The following KLHL6 variants were observed in gnomAD, a reference collection of about 807,000 sequenced individuals.
The protein encoded by KLHL6 is kelch like family member 6.
KLHL6 carries 41 observed loss-of-function variants against 58.6 expected under a neutral mutation model. That is an observed-to-expected ratio of 0.70 (90% confidence interval 0.55 to 0.91). KLHL6 has a LOEUF of 0.91. Ranked by LOEUF, KLHL6 falls within the 40% of genes least tolerant of loss-of-function variation. KLHL6 has a pLI of 0.00. For missense variants in KLHL6, 714 were observed against 805.6 expected (o/e 0.89, Z 1.38); for synonymous variants, 338 against 322.7 (o/e 1.05, Z -0.51).
intron 4 of KLHL6, among the ~76,000 whole-genome samples, chr3:183,495,579 C>A (rs1272190093): frequency 6.0e-4 from 85 of 142,558 alleles, no homozygotes; most frequent in African/African-American, 6.9e-4. Flanking sequence ...TATTTTAGGA[C>A]AAAAAAAAAA....
intron 1 of KLHL6, among the ~76,000 whole-genome samples, chr3:183,538,496 T>C (rs1024693315): frequency 6.6e-6 from 1 of 152,238 alleles, no homozygotes; most frequent in African/African-American, 2.4e-5. Context: ...GCGGTGGCTT[T>C]AACATCAGTT....
At position 183,492,543 on chromosome 3, in the gene KLHL6, C is replaced by T. The variant is rs1367778028; in HGVS notation, c.1515G>A (p.Glu505=). ...AACTCACTGCATTGATGCATTTAGC[C>T]TCCACGGGCATGGCCGCCTTCAAAC... The part of the protein sequence containing the change: ...KWSLKAAMPV[E]AKCINAVSFR... Residue 505 remains glutamate (E), a synonymous_variant, in exon 6 of 7, where the codon GAG becomes GAA. Transcript: ENST00000341319. The surrounding 1 kb of genome is among the most constrained non-coding windows in gnomAD (Gnocchi z 5.9). 2 of 1,614,230 alleles carry T rather than the reference C, an allele frequency of 1.2e-6. No individual in the cohort carries two copies. The highest frequency in any genetic ancestry group is 2.2e-5 in the South Asian group (2 of 91,080).
chr3:183,499,590 C>G lies in KLHL6; in HGVS notation c.1147G>C (p.Gly383Arg). Reference sequence around the variant, plus strand: ...TTGCCTTTACATGACTCCTGCTTACCTGAGATGTAGACCTCATTTTTCAAT... The same window carrying G: ...TTGCCTTTACATGACTCCTGCTTACGTGAGATGTAGACCTCATTTTTCAAT... ...VTLKNEVYIS[G>R]GKETQHDVWK... Residue 383 changes from glycine to arginine, a missense_variant and splice_region_variant, in exon 4 of 7, where the codon GGT (glycine) becomes CGT (arginine). Physicochemically the swap from Gly to Arg is moderately radical, Grantham distance 125. Transcript: ENST00000341319. This position sits in a 1 kb window ranked among gnomAD's most constrained non-coding sequence, Gnocchi z 4.6. 1 of 1,583,176 alleles carries G rather than the reference C, an allele frequency of 6.3e-7. No individual in the cohort carries two copies.
chr3:183,550,928 G>A (rs1346300324), intron 1 of KLHL6, among the ~76,000 whole-genome samples: 2 of 152,024 alleles, frequency 1.3e-5, no homozygotes, highest in East Asian at 3.9e-4. Flanking sequence ...AAACTATCCT[G>A]GCTAACATGG....
At chr3:183,507,039 G>C (rs754602287) in intron 3 of KLHL6, among the ~76,000 whole-genome samples, 6 of 152,082 alleles carry the variant, frequency 3.9e-5, no homozygotes, top group African/African-American at 9.7e-5. Flanking sequence ...ATTAGGACTA[G>C]AGCAGAAGTG....
At chr3:183,510,813 C>T (rs957749894) in intron 2 of KLHL6, among the ~76,000 whole-genome samples, 1 of 151,892 alleles carries the variant, frequency 6.6e-6, no homozygotes, top group Non-Finnish European at 1.5e-5. Context: ...GCGGAGGTTG[C>T]GGTTAGCTGA....
intron 2 of KLHL6, chr3:183,521,309 A>T (rs985253326): frequency 6.6e-6 from 1 of 152,254 alleles, no homozygotes; most frequent in African/African-American, 2.4e-5. Context: ...TTCATTCCAC[A>T]TATACACAGT....
chr3:183,498,059 C>T (rs939097800), intron 4 of KLHL6, among the ~76,000 whole-genome samples: 3 of 152,032 alleles, frequency 2.0e-5, no homozygotes, highest in African/African-American at 7.2e-5. Flanking sequence ...CACTGTGAAA[C>T]CCCATCTGCA....
At chr3:183,554,521 A>G (rs1277176595) in intron 1 of KLHL6, among the ~76,000 whole-genome samples, 3 of 152,174 alleles carry the variant, frequency 2.0e-5, no homozygotes, top group South Asian at 2.1e-4. Context: ...CCTTCCCACT[A>G]TGAGATCACC....
intron 1 of KLHL6, among the ~76,000 whole-genome samples, chr3:183,534,950 A>ATTTTTT (rs1314848457): frequency 1.3e-3 from 122 of 96,750 alleles, no homozygotes; most frequent in African/African-American, 3.5e-3. Context: ...ATATATATAT[A>ATTTTTT]TTTTTTTTTT....
intron 2 of KLHL6, among the ~76,000 whole-genome samples, chr3:183,512,283 T>G (rs1718211648): frequency 6.6e-6 from 1 of 152,140 alleles, no homozygotes; most frequent in South Asian, 2.1e-4. Flanking sequence ...AAGTAGATAT[T>G]TCTAGGAACT....
At chr3:183,541,866 C>T (rs78929888) in intron 1 of KLHL6, among the ~76,000 whole-genome samples, 6,061 of 152,236 alleles carry the variant, frequency 0.04, 170 homozygotes, top group Non-Finnish European at 0.059. Flanking sequence ...TGCTCTAAAA[C>T]GGGATAGCCT....
chr3:183,511,471 T>C (rs1425234658), intron 2 of KLHL6, among the ~76,000 whole-genome samples: 2 of 152,142 alleles, frequency 1.3e-5, no homozygotes, highest in Admixed American at 1.3e-4. Context: ...GACTTTCCTC[T>C]TTTACTAATC....
rs1717828520 is a variant in KLHL6, at chr3:183,499,999, A to G, written c.910-172T>C. Among the ~76,000 whole-genome samples, 1 of 152,214 alleles carries G rather than the reference A, an allele frequency of 6.6e-6. No individual in the cohort carries two copies. The highest frequency in any genetic ancestry group is 6.5e-5 in the Admixed American group (1 of 15,282). Reference sequence around the variant, plus strand: ...CTGTATAATCGGGATAGCAGAGGTAACTACCTCATAGGTGTGTTGTGAGGG... The same window carrying G: ...CTGTATAATCGGGATAGCAGAGGTAGCTACCTCATAGGTGTGTTGTGAGGG... On this transcript the variant is annotated intron_variant, in intron 3 of 6. Transcript: ENST00000341319. The surrounding 1 kb of genome is among the most constrained non-coding windows in gnomAD (Gnocchi z 4.6).
intron 3 of KLHL6, among the ~76,000 whole-genome samples, chr3:183,502,025 C>T (rs1365807475): frequency 1.3e-5 from 2 of 152,128 alleles, no homozygotes; most frequent in Non-Finnish European, 2.9e-5. Flanking sequence ...TGCAGTGGCT[C>T]ACGCCTGCAA....
intron 1 of KLHL6, among the ~76,000 whole-genome samples, chr3:183,530,338 G>T (rs1712114294): frequency 6.6e-6 from 1 of 152,184 alleles, no homozygotes; most frequent in Non-Finnish European, 1.5e-5. Context: ...GTCTCCAATG[G>T]AAATGAGGAA....
At chr3:183,548,407 A>G (rs1712798256) in intron 1 of KLHL6, among the ~76,000 whole-genome samples, 1 of 152,030 alleles carries the variant, frequency 6.6e-6, no homozygotes, top group Non-Finnish European at 1.5e-5. Context: ...ATGCATAGAA[A>G]AGCTTCCAGG....
intron 2 of KLHL6, among the ~76,000 whole-genome samples, chr3:183,510,208 C>T (rs1237711824): frequency 2.0e-5 from 3 of 150,646 alleles, no homozygotes; most frequent in Admixed American, 1.3e-4. Context: ...CTCCCTTCCC[C>T]GTCTACTGGA....
intron 1 of KLHL6, among the ~76,000 whole-genome samples, chr3:183,555,107 G>A (rs908200227): frequency 1.3e-5 from 2 of 152,104 alleles, no homozygotes; most frequent in Admixed American, 1.3e-4. Context: ...AGAGGTTGCG[G>A]TGAACCGAGA....
Sources: allele counts gnomAD v4.1 joint callset (sites outside exome capture counted in the v4.1 genomes callset), GRCh38; gene constraint gnomAD v4.1.1; non-coding constraint Gnocchi (gnomAD v3.1); transcripts MANE v1.5; gene names NCBI Gene and HGNC (gene_info 2026-07-23, HGNC 2026-07-21).